GRK5: variants seen among roughly 807,000 people sequenced by gnomAD.
GRK5 encodes the protein g protein-coupled receptor kinase GRK5.
A neutral mutation model predicts 78.4 loss-of-function variants in GRK5; 40 were observed. The ratio of observed to expected loss-of-function variants is 0.51; its 90% confidence interval spans 0.40 to 0.66. GRK5 has a LOEUF of 0.66. Ranked by LOEUF, GRK5 falls within the 30% of genes least tolerant of loss-of-function variation. The probability of loss-of-function intolerance (pLI) is 0.00; values close to 1 mark genes in which losing one functional copy is unlikely to be tolerated. For missense variants in GRK5, 598 were observed against 759.9 expected (o/e 0.79, Z 2.50); for synonymous variants, 289 against 296.8 (o/e 0.97, Z 0.27).
At chr10:119,415,152 C>G (rs942585650) in intron 4 of GRK5, among the ~76,000 whole-genome samples, 1 of 150,570 alleles carries the variant, frequency 6.6e-6, no homozygotes, top group East Asian at 1.9e-4. Context: ...TGAGAATGAT[C>G]GTAGCAGCCT....
intron 3 of GRK5, among the ~76,000 whole-genome samples, chr10:119,395,839 G>A (rs1043993925): frequency 1.3e-5 from 2 of 152,136 alleles, no homozygotes; most frequent in Non-Finnish European, 2.9e-5. Flanking sequence ...TCCCAGCCCT[G>A]CCACCTCCCG....
At chr10:119,236,387 T>TTC (rs1848929792) in intron 1 of GRK5, among the ~76,000 whole-genome samples, 2 of 151,946 alleles carry the variant, frequency 1.3e-5, no homozygotes, top group Non-Finnish European at 2.9e-5. Context: ...GCTAATTTTT[T>TTC]GTGTTTTTAG....
At chr10:119,208,299 A>G (rs1848424102) in intron 1 of GRK5, among the ~76,000 whole-genome samples, 1 of 152,046 alleles carries the variant, frequency 6.6e-6, no homozygotes, top group African/African-American at 2.4e-5. Flanking sequence ...ACGAGCAAAC[A>G]TGCACATAAA....
intron 1 of GRK5, among the ~76,000 whole-genome samples, chr10:119,307,297 A>G (rs1487507478): frequency 6.6e-6 from 1 of 152,038 alleles, no homozygotes; most frequent in African/African-American, 2.4e-5. Context: ...AGGCTGAATC[A>G]TGGTCCCCTA....
At chr10:119,221,344 A>G (rs1388012613) in intron 1 of GRK5, among the ~76,000 whole-genome samples, 1 of 152,198 alleles carries the variant, frequency 6.6e-6, no homozygotes, top group Non-Finnish European at 1.5e-5. Context: ...CAGTGTACAC[A>G]CTGTTCCGCA....
At chr10:119,235,898 G>A (rs888214409) in intron 1 of GRK5, among the ~76,000 whole-genome samples, 7 of 152,146 alleles carry the variant, frequency 4.6e-5, no homozygotes, top group African/African-American at 1.7e-4. Flanking sequence ...GGGCTGGCAG[G>A]TAACCAAAGG....
intron 1 of GRK5, among the ~76,000 whole-genome samples, chr10:119,312,432 T>G (rs1404338728): frequency 6.6e-6 from 1 of 152,130 alleles, no homozygotes; most frequent in African/African-American, 2.4e-5. Flanking sequence ...GCAGCGAGAA[T>G]GAGACCAGCT....
intron 6 of GRK5, among the ~76,000 whole-genome samples, chr10:119,428,936 A>G (rs1242446937): frequency 6.6e-6 from 1 of 152,150 alleles, no homozygotes; most frequent in Admixed American, 6.5e-5. Context: ...AGTTCTGCGG[A>G]GATGTCAACC....
intron 11 of GRK5, among the ~76,000 whole-genome samples, chr10:119,442,922 T>C (rs1032900271): frequency 6.6e-5 from 10 of 152,122 alleles, no homozygotes; most frequent in Admixed American, 6.5e-4. Context: ...GGATGGATGA[T>C]GGATGATGGA....
At chr10:119,258,545 G>C (rs1233953118) in intron 1 of GRK5, among the ~76,000 whole-genome samples, 3 of 152,206 alleles carry the variant, frequency 2.0e-5, no homozygotes, top group Non-Finnish European at 4.4e-5. Context: ...ATTCTCAACA[G>C]TGATGCATGA....
At chr10:119,223,977 C>G (rs1400432955) in intron 1 of GRK5, among the ~76,000 whole-genome samples, 1 of 152,054 alleles carries the variant, frequency 6.6e-6, no homozygotes, top group East Asian at 1.9e-4. Flanking sequence ...TAGAAGACAA[C>G]TATGATACCC....
chr10:119,258,619 G>A (rs977785407), intron 1 of GRK5, among the ~76,000 whole-genome samples: 10 of 152,146 alleles, frequency 6.6e-5, no homozygotes, highest in African/African-American at 2.2e-4. Context: ...TGGGCTTGGC[G>A]TTTTAATTGC....
At chr10:119,261,226 C>T (rs1488349548) in intron 1 of GRK5, among the ~76,000 whole-genome samples, 1 of 144,030 alleles carries the variant, frequency 6.9e-6, no homozygotes, top group Admixed American at 6.9e-5. Context: ...TCAGACGGGG[C>T]GGCCGGGCAG....
intron 2 of GRK5, among the ~76,000 whole-genome samples, chr10:119,327,195 G>C (rs2133764751): frequency 6.6e-6 from 1 of 152,308 alleles, no homozygotes; most frequent in South Asian, 2.1e-4. Context: ...GCACAGCTTA[G>C]CCCCCTGTAT....
intron 1 of GRK5, among the ~76,000 whole-genome samples, chr10:119,236,212 C>A (rs932625664): frequency 6.6e-6 from 1 of 152,058 alleles, no homozygotes; most frequent in East Asian, 1.9e-4. Flanking sequence ...GACCTACACA[C>A]TATTTTTTTT....
intron 1 of GRK5, among the ~76,000 whole-genome samples, chr10:119,325,858 C>G (rs973219188): frequency 6.6e-6 from 1 of 152,260 alleles, no homozygotes; most frequent in East Asian, 1.9e-4. Flanking sequence ...ATTACTAGTG[C>G]ACATTCATTG....
At chr10:119,369,044 C>T (rs1019379724) in intron 2 of GRK5, among the ~76,000 whole-genome samples, 4 of 152,194 alleles carry the variant, frequency 2.6e-5, no homozygotes, top group Admixed American at 6.5e-5. Flanking sequence ...CACCTGTGCT[C>T]CTGCCTGGGC....
rs1331442413 is a variant in GRK5 at position 119,414,660 on chromosome 10, T to A, written c.340-8506T>A. On this transcript the variant is annotated intron_variant, in intron 4 of 15. Coordinates refer to ENST00000392870, the MANE Select transcript of GRK5 (RefSeq NM_005308.3). ...GTGCCCTTGAGCAAGTTACTTAACT[T>A]CTGAGCCTATTTCTGCGCCTGTGAA... Among the ~76,000 whole-genome samples, 3 of 152,212 alleles carry A rather than the reference T, an allele frequency of 2.0e-5. No homozygotes were observed. In the East Asian group the frequency reaches 5.8e-4, roughly 29 times the overall value.
chr10:119,383,348 A>G (rs554166292), intron 3 of GRK5, among the ~76,000 whole-genome samples: 2 of 152,368 alleles, frequency 1.3e-5, no homozygotes, highest in African/African-American at 4.8e-5. Flanking sequence ...ATCAGGGGAC[A>G]TACACCATCT....
Sources: allele counts gnomAD v4.1 joint callset (sites outside exome capture counted in the v4.1 genomes callset), GRCh38; gene constraint gnomAD v4.1.1; transcripts MANE v1.5; gene names NCBI Gene and HGNC (gene_info 2026-07-23, HGNC 2026-07-21).